CPNE4: variants seen among roughly 807,000 people sequenced by gnomAD.
CPNE4 encodes the protein copine-4.
A neutral mutation model predicts 67.9 loss-of-function variants in CPNE4; 25 were observed. The ratio of observed to expected loss-of-function variants is 0.37; its 90% CI spans 0.27 to 0.51. CPNE4 has a LOEUF of 0.51. CPNE4 is among the 20% of genes least tolerant of loss of function. The pLI is 0.93. For missense variants in CPNE4, 464 were observed against 690.8 expected, an observed-to-expected ratio of 0.67 and a Z score of 3.68; for synonymous variants, 242 against 244.9, an observed-to-expected ratio of 0.99 and a Z score of 0.11.
At chr3:131,613,465 C>T (rs1165211625) in intron 7 of CPNE4, among the ~76,000 whole-genome samples, 1 of 152,152 alleles carries the variant, frequency 6.6e-6, no homozygotes, top group African/African-American at 2.4e-5. Flanking sequence ...GGAATCTTGC[C>T]TTCTTTTCTT....
intron 1 of CPNE4, among the ~76,000 whole-genome samples, chr3:131,980,326 A>G (rs932022061): frequency 6.6e-6 from 1 of 152,158 alleles, no homozygotes; most frequent in African/African-American, 2.4e-5. Flanking sequence ...CCTCAGGAAC[A>G]CCAATTATTC....
chr3:131,996,372 C>G (rs2073292914), intron 1 of CPNE4, among the ~76,000 whole-genome samples: 1 of 151,722 alleles, frequency 6.6e-6, no homozygotes, highest in African/African-American at 2.4e-5. Flanking sequence ...GGCAGAAAAG[C>G]TGGAGATGAA....
intron 1 of CPNE4, among the ~76,000 whole-genome samples, chr3:132,002,153 G>T (rs1337571495): frequency 6.6e-6 from 1 of 152,126 alleles, no homozygotes; most frequent in Admixed American, 6.6e-5. Context: ...TAGCCCCCAT[G>T]TCTGCTTACT....
chr3:131,950,670 G>A (rs189705801), intron 1 of CPNE4, among the ~76,000 whole-genome samples: 13 of 152,264 alleles, frequency 8.5e-5, no homozygotes, highest in African/African-American at 2.9e-4. Context: ...TGTGAATAAC[G>A]AGGACCGACT....
intron 1 of CPNE4, among the ~76,000 whole-genome samples, chr3:131,918,491 G>A (rs868732825): frequency 1.3e-5 from 2 of 152,118 alleles, no homozygotes; most frequent in Non-Finnish European, 2.9e-5. Context: ...AAAAGATTAA[G>A]TTTGCTTGTT....
intron 1 of CPNE4, among the ~76,000 whole-genome samples, chr3:132,019,111 C>T (rs748337131): frequency 4.6e-5 from 7 of 151,978 alleles, no homozygotes; most frequent in Non-Finnish European, 1.0e-4. Context: ...CCTTTATTAC[C>T]TTTCCATTTT....
At chr3:132,001,029 C>G (rs2073418334) in intron 1 of CPNE4, among the ~76,000 whole-genome samples, 1 of 151,972 alleles carries the variant, frequency 6.6e-6, no homozygotes, top group Non-Finnish European at 1.5e-5. Flanking sequence ...CAAAACCAGT[C>G]AAGACCATGT....
chr3:131,704,092 T>C (rs993118602), intron 3 of CPNE4, among the ~76,000 whole-genome samples: 3 of 152,304 alleles, frequency 2.0e-5, no homozygotes, highest in African/African-American at 2.4e-5. Context: ...GGAGTCTCTC[T>C]AGTGTTTTGC....
chr3:131,705,253 G>A (rs115529412), intron 3 of CPNE4, among the ~76,000 whole-genome samples: 2,722 of 152,128 alleles, frequency 0.018, 98 homozygotes, highest in African/African-American at 0.062. Context: ...CCACTCCCCC[G>A]TCCAACAGCA....
At chr3:131,933,674 T>C (rs567066278) in intron 1 of CPNE4, among the ~76,000 whole-genome samples, 6 of 152,056 alleles carry the variant, frequency 3.9e-5, no homozygotes, top group East Asian at 1.9e-4. Context: ...ATGTAATATA[T>C]ATACACAATG....
At chr3:132,023,602 C>T (rs902278602) in intron 1 of CPNE4, among the ~76,000 whole-genome samples, 3 of 150,046 alleles carry the variant, frequency 2.0e-5, no homozygotes, top group Admixed American at 1.3e-4. Context: ...ATTCTCCTGC[C>T]TCAGCCTCCC....
intron 1 of CPNE4, among the ~76,000 whole-genome samples, chr3:131,978,184 TA>T (rs1329218261): frequency 1.0e-4 from 6 of 60,206 alleles, no homozygotes; most frequent in South Asian, 4.3e-4. Context: ...TAAATATATA[TA>T]ATATATTTAT....
chr3:131,570,990 G>T (rs1937307675), intron 10 of CPNE4, among the ~76,000 whole-genome samples: 1 of 151,290 alleles, frequency 6.6e-6, no homozygotes, highest in Admixed American at 6.6e-5. Flanking sequence ...TTAACTTCTT[G>T]AATGAATACT....
chr3:131,653,265 C>T (rs1386691805), intron 7 of CPNE4, among the ~76,000 whole-genome samples: 6 of 151,852 alleles, frequency 4.0e-5, no homozygotes. Context: ...CTGCCTCAGC[C>T]TCCTGAGTAG....
rs916247823 is a variant in CPNE4 at position 131,784,647 on chromosome 3, T to C, written c.181-61022A>G. 3.3e-5 allele frequency among the ~76,000 whole-genome samples: 5 copies of C among 152,252 alleles called. No homozygotes were observed. In the South Asian group the frequency reaches 8.3e-4, roughly 25 times the overall value. On this transcript the variant is annotated intron_variant, in intron 2 of 15. Coordinates refer to ENST00000429747, the MANE Select transcript of CPNE4 (RefSeq NM_130808.3). ...ACATAGCTCCTCAAAAAGTCTCCAG[T>C]GGGATTGGGCTTCAGATGCCCATAG...
chr3:131,582,078 A>G (rs1459520614), intron 8 of CPNE4, among the ~76,000 whole-genome samples: 1 of 152,244 alleles, frequency 6.6e-6, no homozygotes, highest in Non-Finnish European at 1.5e-5. Flanking sequence ...AGTACAGGGA[A>G]GAAGAAATCT....
intron 1 of CPNE4, among the ~76,000 whole-genome samples, chr3:131,957,356 C>T (rs972802027): frequency 6.6e-6 from 1 of 152,184 alleles, no homozygotes; most frequent in Non-Finnish European, 1.5e-5. Flanking sequence ...TGTACACTAG[C>T]ATGGTTTGTG....
At chr3:131,849,293 A>C (rs2086140054) in intron 2 of CPNE4, among the ~76,000 whole-genome samples, 1 of 152,066 alleles carries the variant, frequency 6.6e-6, no homozygotes, top group Non-Finnish European at 1.5e-5. Context: ...AAATACCTGA[A>C]ACTGGGTAAT....
chr3:131,562,062 TACTC>T (rs967539881), intron 11 of CPNE4, among the ~76,000 whole-genome samples: 3 of 152,086 alleles, frequency 2.0e-5, no homozygotes, highest in African/African-American at 7.2e-5. Flanking sequence ...GGGTCAATCT[TACTC>T]TATTAAAAAT....
Sources: allele counts gnomAD v4.1 joint callset (sites outside exome capture counted in the v4.1 genomes callset), GRCh38; gene constraint gnomAD v4.1.1; transcripts MANE v1.5; gene names NCBI Gene and HGNC (gene_info 2026-07-23, HGNC 2026-07-21).